Variants in HMGB1 observed in about 807,000 individuals in gnomAD.
The protein encoded by HMGB1 is high mobility group box 1.
For missense variants in HMGB1, 79 were observed against 253.5 expected (o/e 0.31, Z 4.67); for synonymous variants, 81 against 84.0 (o/e 0.96, Z 0.19).
chr13:30,477,847 CTT>C (rs1235156768), intron 1 of HMGB1, among the ~76,000 whole-genome samples: 1 of 152,030 alleles, frequency 6.6e-6, no homozygotes, highest in African/African-American at 2.4e-5. Flanking sequence ...TACCAGGCCT[CTT>C]TGTTTAAAAA....
At position 30,459,853 on chromosome 13, in the gene HMGB1, A is replaced by T. The variant is rs1399501332; in HGVS notation, c.*1504T>A. The T allele has an allele frequency of 6.6e-6, 1 of 152,612 alleles. No individual in the cohort carries two copies. The highest frequency in any genetic ancestry group is 1.5e-5 in the Non-Finnish European group (1 of 68,012). 9.5% of individuals were successfully genotyped at this position (152,612 alleles called of 1,614,324 possible). A position where few individuals can be genotyped will look rare whatever the true frequency, so the allele number is the denominator to read the frequency against. ...AGTGAAAGCCATTTAACTAGTATTT[A>T]AAACCTCTGCAATTATTAGTTTATT... is the stretch of plus-strand genomic sequence containing the variant. On this transcript the variant is annotated 3_prime_UTR_variant, in exon 5 of 5. Transcript: ENST00000341423.
At chr13:30,596,367 C>A (rs1413734715) in intron 1 of HMGB1, among the ~76,000 whole-genome samples, 1 of 152,180 alleles carries the variant, frequency 6.6e-6, no homozygotes, top group African/African-American at 2.4e-5. Flanking sequence ...TAGTGGTTTA[C>A]CATACGCGCC....
At chr13:30,615,195 TA>T (rs1310511501) in intron 1 of HMGB1, among the ~76,000 whole-genome samples, 1 of 152,226 alleles carries the variant, frequency 6.6e-6, no homozygotes, top group Non-Finnish European at 1.5e-5. Flanking sequence ...ATGATACACG[TA>T]TTTTTTTCTA....
In HMGB1 at chr13:30,509,501, G is replaced by A. The variant is rs548883965; in HGVS notation, c.-14-45807C>T. Among the ~76,000 whole-genome samples, 177 of 152,236 alleles carry A rather than the reference G, an allele frequency of 1.2e-3. 1 individual carries two copies. The highest frequency in any genetic ancestry group is 3.5e-3 in the Admixed American group (54 of 15,278). On this transcript the variant is annotated intron_variant, in intron 1 of 4. Coordinates refer to the HMGB1 transcript ENST00000405805. ...TATTCACCTGCCTCAGCCTCCCAAAGTGTTGGGATTACAGATGTGAGCCAC... is the reference window on the plus strand; with the variant it reads ...TATTCACCTGCCTCAGCCTCCCAAAATGTTGGGATTACAGATGTGAGCCAC...
chr13:30,591,123 A>T lies in HMGB1; in HGVS notation c.-15+25548T>A, dbSNP rs145856696. Among the ~76,000 whole-genome samples the T allele has an allele frequency of 5.5e-3, 762 of 139,678 alleles. 6 individuals are homozygous for T. The highest frequency in any genetic ancestry group is 0.019 in the African/African-American group (702 of 36,858). The allele number at this position is 139,678 out of a possible 152,430, so 91.6% of individuals were successfully genotyped here. On this transcript the variant is annotated intron_variant, in intron 1 of 4. Coordinates refer to the HMGB1 transcript ENST00000405805. The stretch of plus-strand genomic sequence containing the variant: ...TTGGCTCACTGCAACCTCCACCTCC[A>T]GGGTTCAAGCAATTCTCCTGTCTCA...
At chr13:30,588,772 C>T (rs1871256473) in intron 1 of HMGB1, among the ~76,000 whole-genome samples, 2 of 151,846 alleles carry the variant, frequency 1.3e-5, no homozygotes, top group African/African-American at 4.8e-5. Context: ...CAGAAATTAG[C>T]CGTGAATGAT....
intron 1 of HMGB1, among the ~76,000 whole-genome samples, chr13:30,512,309 C>G (rs1247779645): frequency 6.6e-6 from 1 of 152,090 alleles, no homozygotes; most frequent in Non-Finnish European, 1.5e-5. Flanking sequence ...GGAGCAGAGG[C>G]AAACACTGAA....
intron 1 of HMGB1, among the ~76,000 whole-genome samples, chr13:30,616,102 G>C (rs891413430): frequency 6.6e-6 from 1 of 152,176 alleles, no homozygotes. Context: ...TAATATAAAC[G>C]AAAGGGGTTT....
intron 1 of HMGB1, among the ~76,000 whole-genome samples, chr13:30,595,667 C>T (rs905877277): frequency 1.3e-5 from 2 of 152,158 alleles, no homozygotes; most frequent in African/African-American, 2.4e-5. Flanking sequence ...CTGGGACGGC[C>T]ATCCTTTGAG....
rs1051241359 is a variant in HMGB1 at position 30,512,739 on chromosome 13, G to A, written c.-14-49045C>T. Among the ~76,000 whole-genome samples, 4 of 152,226 alleles carry A rather than the reference G, an allele frequency of 2.6e-5. No individual in the cohort carries two copies. In the East Asian group the frequency reaches 7.7e-4, roughly 29 times the overall value. ...ACAAGTAAATCACATGTCTGAGCCT[G>A]AGGAACAGCTCCAGGACCACGGTAA... On this transcript the variant is annotated intron_variant, in intron 1 of 4. Transcript: ENST00000405805.
At chr13:30,543,958 A>C (rs975804370) in intron 1 of HMGB1, among the ~76,000 whole-genome samples, 4 of 152,180 alleles carry the variant, frequency 2.6e-5, no homozygotes, top group Admixed American at 6.5e-5. Flanking sequence ...AACTCTGCTT[A>C]TATTGTCCTT....
intron 1 of HMGB1, among the ~76,000 whole-genome samples, chr13:30,475,138 C>CTTT (rs71093064): frequency 7.7e-5 from 2 of 26,062 alleles, no homozygotes; most frequent in African/African-American, 1.7e-4. Flanking sequence ...CTCTCTCTCT[C>CTTT]TTTTTTTTTT....
chr13:30,585,340 A>C (rs2137546825), intron 1 of HMGB1, among the ~76,000 whole-genome samples: 1 of 151,384 alleles, frequency 6.6e-6, no homozygotes, highest in African/African-American at 2.4e-5. Flanking sequence ...ACAGAAAACA[A>C]AACAAACAAA....
At chr13:30,497,329 C>T (rs896025084) in intron 1 of HMGB1, among the ~76,000 whole-genome samples, 2 of 152,048 alleles carry the variant, frequency 1.3e-5, no homozygotes, top group South Asian at 2.1e-4. Flanking sequence ...CGGGTTCAAG[C>T]GATTCTCCTG....
chr13:30,554,567 GC>G, intron 1 of HMGB1: 1 of 775,350 alleles, frequency 1.3e-6, no homozygotes, highest in Non-Finnish European at 2.4e-6. Flanking sequence ...CTTAGCTCCT[GC>G]TTTTGATCAT....
chr13:30,548,882 T>C (rs185095007), intron 1 of HMGB1, among the ~76,000 whole-genome samples: 1 of 152,304 alleles, frequency 6.6e-6, no homozygotes, highest in Admixed American at 6.5e-5. Flanking sequence ...AAGGACATTG[T>C]GCAGACAGCT....
At chr13:30,519,693 C>T (rs1315396259) in intron 1 of HMGB1, among the ~76,000 whole-genome samples, 1 of 103,092 alleles carries the variant, frequency 9.7e-6, no homozygotes, top group African/African-American at 3.3e-5. Context: ...AAGCAAGACT[C>T]CATCAATTAA....
At chr13:30,575,414 A>G (rs1296194724) in intron 1 of HMGB1, among the ~76,000 whole-genome samples, 1 of 152,198 alleles carries the variant, frequency 6.6e-6, no homozygotes, top group Non-Finnish European at 1.5e-5. Context: ...CAGGCCATAC[A>G]TGTCTTACAT....
intron 1 of HMGB1, among the ~76,000 whole-genome samples, chr13:30,565,038 A>C (rs554989786): frequency 3.3e-5 from 5 of 152,180 alleles, no homozygotes. Flanking sequence ...CTTTACATAG[A>C]TTATCTCTTA....
Sources: gnomAD v4.1 joint callset for allele counts (sites outside exome capture counted in the v4.1 genomes callset) on GRCh38, gnomAD v4.1.1 for gene constraint, MANE v1.5 for transcripts, NCBI Gene and HGNC (gene_info 2026-07-23, HGNC 2026-07-21) for gene names.